Variants in DLG2 observed in about 807,000 individuals in gnomAD.
DLG2 encodes the protein disks large homolog 2.
DLG2 carries 45 observed loss-of-function variants against 132.5 expected under a neutral mutation model. The observed-to-expected ratio is 0.34, with a 90% CI of 0.27 to 0.44. DLG2 has a LOEUF of 0.44. Ranked by LOEUF, DLG2 falls within the 20% of genes least tolerant of loss-of-function variation. The probability of loss-of-function intolerance (pLI) is 1.00; values close to 1 mark genes in which losing one functional copy is unlikely to be tolerated. For missense variants in DLG2, 1,045 were observed against 1,196.9 expected, an observed-to-expected ratio of 0.87 and a Z score of 1.87; for synonymous variants, 424 against 419.6, an observed-to-expected ratio of 1.01 and a Z score of -0.13.
chr11:83,970,317 T>C (rs1357366132), intron 12 of DLG2, among the ~76,000 whole-genome samples: 1 of 152,170 alleles, frequency 6.6e-6, no homozygotes, highest in Non-Finnish European at 1.5e-5. Flanking sequence ...GTGACTTTGC[T>C]AACAGAGTCT....
chr11:84,403,568 CT>C, intron 7 of DLG2, among the ~76,000 whole-genome samples: 1 of 152,182 alleles, frequency 6.6e-6, no homozygotes, highest in African/African-American at 2.4e-5. Flanking sequence ...TTATATGTTC[CT>C]TCCTGATTAA....
At chr11:85,057,421 T>C (rs1048630624) in intron 6 of DLG2, among the ~76,000 whole-genome samples, 1 of 151,514 alleles carries the variant, frequency 6.6e-6, no homozygotes, top group African/African-American at 2.4e-5. Context: ...AGCTAAAAAT[T>C]TAGTTGAAAT....
At chr11:85,618,223 A>C (rs780080101) in intron 2 of DLG2, among the ~76,000 whole-genome samples, 3 of 152,152 alleles carry the variant, frequency 2.0e-5, no homozygotes, top group Non-Finnish European at 2.9e-5. Flanking sequence ...ACTGCCATAA[A>C]TTCCTGGGCA....
chr11:85,154,720 T>G, intron 4 of DLG2, 69 bp from the exon 5 acceptor site: 1 of 746,408 alleles, frequency 1.3e-6, no homozygotes, highest in East Asian at 2.8e-5. Flanking sequence ...TTTCAAACTT[T>G]GAATATACAC....
At chr11:83,594,582 T>C (rs2097252774) in intron 19 of DLG2, among the ~76,000 whole-genome samples, 1 of 152,190 alleles carries the variant, frequency 6.6e-6, no homozygotes, top group African/African-American at 2.4e-5. Context: ...TCAAGGTTTA[T>C]ATTAAATACA....
At chr11:84,578,322 C>A (rs1035054482) in intron 6 of DLG2, among the ~76,000 whole-genome samples, 39 of 152,080 alleles carry the variant, frequency 2.6e-4, no homozygotes, top group Admixed American at 2.0e-4. Context: ...GATCCACCGA[C>A]AGCTTGCACT....
At chr11:85,616,009 T>C (rs898193259) in intron 2 of DLG2, among the ~76,000 whole-genome samples, 1 of 151,934 alleles carries the variant, frequency 6.6e-6, no homozygotes, top group African/African-American at 2.4e-5. Context: ...GATTTGATCC[T>C]CACAATAATC....
chr11:84,853,198 C>A (rs1454107409), intron 6 of DLG2, among the ~76,000 whole-genome samples: 2 of 151,936 alleles, frequency 1.3e-5, no homozygotes, highest in Non-Finnish European at 2.9e-5. Flanking sequence ...CTCTGAATAA[C>A]CCTATTTGCT....
chr11:83,782,382 G>A (rs11233743), intron 18 of DLG2, among the ~76,000 whole-genome samples: 59,054 of 151,994 alleles, frequency 0.39, 11,786 homozygotes, highest in Middle Eastern at 0.59. Context: ...TATAAAATGA[G>A]TGACAGAAGG....
intron 6 of DLG2, chr11:84,923,600 C>T (rs2092865849): frequency 1.0e-6 from 1 of 990,888 alleles, no homozygotes; most frequent in Non-Finnish European, 1.2e-6. Flanking sequence ...GAAGAGGAAA[C>T]CCTTCTTCCT....
intron 21 of DLG2, among the ~76,000 whole-genome samples, chr11:83,509,786 A>G (rs929662379): frequency 5.9e-5 from 9 of 152,102 alleles, no homozygotes; most frequent in Non-Finnish European, 1.0e-4. Flanking sequence ...CTCACAAGGC[A>G]TATCAGAGAT....
intron 15 of DLG2, among the ~76,000 whole-genome samples, chr11:83,928,440 T>A (rs1056105344): frequency 1.3e-5 from 2 of 151,722 alleles, no homozygotes. Flanking sequence ...AAAATCCCCA[T>A]TGGAATGGAA....
At chr11:84,104,719 CTAACTTTAATTAA>C (rs1489892297) in intron 9 of DLG2, among the ~76,000 whole-genome samples, 1 of 151,846 alleles carries the variant, frequency 6.6e-6, no homozygotes, top group East Asian at 1.9e-4. Context: ...AAGAAAATTA[CTAACTTTAATTAA>C]TAATAGTAAA....
intron 4 of DLG2, among the ~76,000 whole-genome samples, chr11:85,247,788 AT>A (rs996341417): frequency 6.6e-6 from 1 of 152,058 alleles, no homozygotes; most frequent in African/African-American, 2.4e-5. Flanking sequence ...GCATTAATAT[AT>A]AGACTAGCTC....
At chr11:85,352,201 G>A (rs1046009360) in intron 3 of DLG2, among the ~76,000 whole-genome samples, 2 of 152,156 alleles carry the variant, frequency 1.3e-5, no homozygotes, top group African/African-American at 2.4e-5. Context: ...TTGCATAGAC[G>A]TGTTTATAGT....
intron 14 of DLG2, 138 bp from the exon 15 acceptor site, chr11:83,930,621 T>C (rs1466329679): frequency 4.6e-6 from 4 of 870,032 alleles, no homozygotes; most frequent in African/African-American, 1.7e-5. Context: ...AGAAACCCAA[T>C]TTTCCACTTG....
intron 6 of DLG2, among the ~76,000 whole-genome samples, chr11:84,834,293 A>T (rs2079425501): frequency 1.3e-5 from 2 of 151,586 alleles, no homozygotes; most frequent in Non-Finnish European, 3.0e-5. Flanking sequence ...AACTACCCAC[A>T]ATACCTCACT....
chr11:84,405,262 T>C (rs1262551662), intron 7 of DLG2, among the ~76,000 whole-genome samples: 4 of 152,230 alleles, frequency 2.6e-5, no homozygotes, highest in Admixed American at 2.6e-4. Flanking sequence ...TAGTATTCTT[T>C]CCACAGCCAA....
intron 6 of DLG2, among the ~76,000 whole-genome samples, chr11:84,642,092 AGT>A (rs34226746): frequency 4.6e-3 from 641 of 139,144 alleles, no homozygotes; most frequent in Non-Finnish European, 6.5e-3. Flanking sequence ...GTATATGTAG[AGT>A]GTGTGTGTGT....
Sources: allele counts gnomAD v4.1 joint callset (sites outside exome capture counted in the v4.1 genomes callset), GRCh38; gene constraint gnomAD v4.1.1; transcripts MANE v1.5; gene names NCBI Gene and HGNC (gene_info 2026-07-23, HGNC 2026-07-21).